SLC25A48: variants seen among roughly 807,000 people sequenced by gnomAD.
SLC25A48 encodes CTC-321K16.1.
In SLC25A48, 29 loss-of-function variants were observed where a neutral mutation model predicts 32.2. The ratio of observed to expected loss-of-function variants is 0.90; its 90% confidence interval spans 0.67 to 1.23. SLC25A48 has a LOEUF of 1.23. Ranked by LOEUF, SLC25A48 falls within the 50% of genes most tolerant of loss-of-function variation. The pLI is 0.00. For synonymous variants in SLC25A48, 164 were observed against 172.3 expected (o/e 0.95, Z 0.38); for missense variants, 399 against 422.7 (o/e 0.94, Z 0.49).
chr5:135,772,804 G>GAC (rs1561485709), intron 3 of SLC25A48, among the ~76,000 whole-genome samples: 7 of 151,312 alleles, frequency 4.6e-5, no homozygotes, highest in Non-Finnish European at 8.9e-5. Context: ...ATGTCTCAGG[G>GAC]GTTGTACAAC....
intron 3 of SLC25A48, among the ~76,000 whole-genome samples, chr5:135,752,921 CT>C (rs1362986838): frequency 6.6e-6 from 1 of 152,006 alleles, no homozygotes; most frequent in East Asian, 1.9e-4. Context: ...TGTACACCCC[CT>C]GTGATATTAG....
chr5:135,879,581 G>A (rs574161640), intron 6 of SLC25A48, among the ~76,000 whole-genome samples: 2 of 141,672 alleles, frequency 1.4e-5, no homozygotes, highest in East Asian at 2.0e-4. Context: ...CTAGATTCCC[G>A]AGGAGAGAGA....
At chr5:135,600,052 A>G (rs2126882979) in intron 1 of SLC25A48, among the ~76,000 whole-genome samples, 1 of 151,852 alleles carries the variant, frequency 6.6e-6, no homozygotes, top group East Asian at 1.9e-4. Context: ...TATCTCACTC[A>G]TCACTTTTGC....
intron 1 of SLC25A48, among the ~76,000 whole-genome samples, chr5:135,604,102 G>A (rs1446708004): frequency 3.3e-5 from 5 of 152,168 alleles, no homozygotes; most frequent in Admixed American, 1.3e-4. Flanking sequence ...GGTGGGTTCC[G>A]TTATTATGCC....
chr5:135,740,265 C>T (rs1379291254), intron 3 of SLC25A48, among the ~76,000 whole-genome samples: 1 of 152,062 alleles, frequency 6.6e-6, no homozygotes, highest in African/African-American at 2.4e-5. Flanking sequence ...GTGATCTCGG[C>T]TCACTGCAAC....
intron 3 of SLC25A48, among the ~76,000 whole-genome samples, chr5:135,665,941 A>G (rs1425441973): frequency 2.6e-5 from 4 of 152,056 alleles, no homozygotes; most frequent in Non-Finnish European, 5.9e-5. Flanking sequence ...TTATTTGGGT[A>G]CTTTTTTCCT....
rs543144156 is a variant in SLC25A48 at position 135,780,633 on chromosome 5, T to TG, written c.-520-31882dup. On this transcript the variant is annotated intron_variant, in intron 3 of 10. Transcript: ENST00000646290. The stretch of plus-strand genomic sequence containing the variant: ...CTCTGTGATATTGTTTCTAATATTT[T>TG]GGGGGGGGAGGAGATGATATTATTC... 1.4e-3 allele frequency among the ~76,000 whole-genome samples: 164 copies of TG among 113,900 alleles called. 21 individuals carry two copies. The highest frequency in any genetic ancestry group is 3.4e-3 in the African/African-American group (127 of 37,742). 74.7% of individuals were successfully genotyped at this position (113,900 alleles called of 152,430 possible).
At chr5:135,717,696 C>T (rs1754839372) in intron 3 of SLC25A48, among the ~76,000 whole-genome samples, 1 of 151,996 alleles carries the variant, frequency 6.6e-6, no homozygotes, top group Admixed American at 6.5e-5. Flanking sequence ...TCCAAGGCTG[C>T]TGGGAGCCAT....
intron 3 of SLC25A48, among the ~76,000 whole-genome samples, chr5:135,804,535 T>C (rs1757419644): frequency 6.6e-6 from 1 of 151,458 alleles, no homozygotes. Flanking sequence ...ACTGTGATAT[T>C]ATTTGTTATA....
chr5:135,661,738 C>G (rs1039664840), intron 3 of SLC25A48, among the ~76,000 whole-genome samples: 2 of 152,132 alleles, frequency 1.3e-5, no homozygotes, highest in Non-Finnish European at 2.9e-5. Flanking sequence ...TGCACATTGC[C>G]TCACTACTTC....
intron 4 of SLC25A48, among the ~76,000 whole-genome samples, chr5:135,817,447 G>C (rs1757751594): frequency 6.6e-6 from 1 of 152,298 alleles, no homozygotes; most frequent in South Asian, 2.1e-4. Context: ...GGAAAGAAAA[G>C]TCTTTTCAGC....
At chr5:135,624,631 A>G (rs1054045773) in intron 1 of SLC25A48, among the ~76,000 whole-genome samples, 1 of 152,134 alleles carries the variant, frequency 6.6e-6, no homozygotes, top group Non-Finnish European at 1.5e-5. Flanking sequence ...GTCTGTTTTT[A>G]TGGGTCTTCT....
intron 3 of SLC25A48, among the ~76,000 whole-genome samples, chr5:135,643,104 A>G (rs1406143565): frequency 1.3e-5 from 2 of 152,238 alleles, no homozygotes; most frequent in Non-Finnish European, 1.5e-5. Context: ...CCCAACATGT[A>G]TGTCAGCCGT....
intron 3 of SLC25A48, among the ~76,000 whole-genome samples, chr5:135,708,816 G>A (rs1335455276): frequency 6.6e-6 from 1 of 152,216 alleles, no homozygotes; most frequent in Admixed American, 6.5e-5. Context: ...GAGAGCGAGT[G>A]AGTGAGTACC....
chr5:135,739,711 T>C (rs1755457760), intron 3 of SLC25A48, among the ~76,000 whole-genome samples: 1 of 152,214 alleles, frequency 6.6e-6, no homozygotes, highest in African/African-American at 2.4e-5. Flanking sequence ...GTTGACACTT[T>C]GCAAATAGTG....
chr5:135,774,969 AC>A (rs1756510815), intron 3 of SLC25A48, among the ~76,000 whole-genome samples: 1 of 151,756 alleles, frequency 6.6e-6, no homozygotes, highest in African/African-American at 2.4e-5. Context: ...TAGAGGTTGT[AC>A]ACCCCGCTTG....
chr5:135,798,071 A>C (rs1003476045), intron 3 of SLC25A48, among the ~76,000 whole-genome samples: 1 of 151,792 alleles, frequency 6.6e-6, no homozygotes, highest in African/African-American at 2.4e-5. Context: ...GAATGATATT[A>C]CTCCCAATAT....
Position 135,717,900 on chromosome 5 carries a change from C to T in SLC25A48, c.-521+82944C>T, listed in dbSNP as rs118002788. 5.1e-4 allele frequency among the ~76,000 whole-genome samples: 77 copies of T among 152,288 alleles called. 2 individuals are homozygous for T. The East Asian group carries it at 0.013, about 26-fold the overall frequency. ...AATGAATATGAACAGGTAAAAGGAA[C>T]GTCAGGTAAACGGCGTCTCTCCTCT... On this transcript the variant is annotated intron_variant, in intron 3 of 10. Transcript: ENST00000646290.
intron 3 of SLC25A48, among the ~76,000 whole-genome samples, chr5:135,715,911 C>T (rs989936106): frequency 6.6e-6 from 1 of 152,132 alleles, no homozygotes; most frequent in Admixed American, 6.5e-5. Flanking sequence ...GTGATGTAAT[C>T]CTGTTTCTCT....
Sources: gnomAD v4.1 joint callset for allele counts (sites outside exome capture counted in the v4.1 genomes callset) on GRCh38, gnomAD v4.1.1 for gene constraint, MANE v1.5 for transcripts, NCBI Gene and HGNC (gene_info 2026-07-23, HGNC 2026-07-21) for gene names.